MFSD12: variants seen among roughly 807,000 people sequenced by gnomAD.
MFSD12 encodes the protein major facilitator superfamily domain-containing protein 12.
A neutral mutation model predicts 51.2 loss-of-function variants in MFSD12; 67 were observed. The ratio of observed to expected loss-of-function variants is 1.31; its 90% CI spans 1.08 to 1.60. The LOEUF (loss-of-function observed/expected upper bound fraction) is 1.60, where lower values mean the gene tolerates loss of function less well. Among genes scored for constraint, MFSD12 ranks in the 40% most tolerant of loss-of-function variants. MFSD12 has a pLI of 0.00. For missense variants in MFSD12, 921 were observed against 673.0 expected (o/e 1.37, Z -4.08); for synonymous variants, 441 against 316.7 (o/e 1.39, Z -4.17).
At chr19:3,547,806 G>C (rs1270170712) in intron 4 of MFSD12, 42 bp downstream of exon 4, 1 of 1,460,204 alleles carries the variant, frequency 6.8e-7, no homozygotes, top group South Asian at 1.4e-5. Flanking sequence ...CCTGTGGGTG[G>C]GAGAGAAGGC....
At chr19:3,556,857 C>G (rs1179117810) in intron 1 of MFSD12, among the ~76,000 whole-genome samples, 1 of 98,390 alleles carries the variant, frequency 1.0e-5, no homozygotes, top group Non-Finnish European at 2.4e-5. Context: ...GACAGACAGA[C>G]AGGGGAGGTT....
chr19:3,550,232 G>A (rs1177750159), intron 2 of MFSD12, among the ~76,000 whole-genome samples: 3 of 152,064 alleles, frequency 2.0e-5, no homozygotes, highest in Non-Finnish European at 2.9e-5. Flanking sequence ...CTGGACTCCT[G>A]ACCCCCAGAA....
Position 3,557,427 on chromosome 19 carries a change from C to T in MFSD12, c.-24G>A, listed in dbSNP as rs575979215. 6 of 1,204,418 alleles carry T rather than the reference C, an allele frequency of 5.0e-6. No homozygotes were observed. In the African/African-American group the frequency reaches 8.0e-5, roughly 16 times the overall value. 74.6% of individuals were successfully genotyped at this position (1,204,418 alleles called of 1,614,324 possible). A position where few individuals can be genotyped will look rare whatever the true frequency, so the allele number is the denominator to read the frequency against. On this transcript the variant is annotated 5_prime_UTR_variant, in exon 1 of 10. Transcript: ENST00000355415. ...ATCGCGGCGCCGGGCCCGCGCCCCC[C>T]ACCCCCGGGCTCCGCGGAGGGTACC...
chr19:3,556,568 T>G (rs1308501111), intron 1 of MFSD12, among the ~76,000 whole-genome samples: 6 of 98,542 alleles, frequency 6.1e-5, no homozygotes, highest in South Asian at 3.4e-4. Flanking sequence ...GTCAGACAGA[T>G]GGGGGAGGCA....
chr19:3,547,707 T>G (rs566175330), intron 4 of MFSD12, 141 bp downstream of exon 4: 18 of 1,192,610 alleles, frequency 1.5e-5, no homozygotes, highest in Non-Finnish European at 2.0e-5. Context: ...AGAGCAGCAC[T>G]TGATGAGTGA....
chr19:3,539,247 G>A (rs976541606), downstream of MFSD12: 47 of 1,549,208 alleles, frequency 3.0e-5, no homozygotes, highest in Admixed American at 5.9e-5. Context: ...CAGCTTCCCA[G>A]CACCGCTGTA....
Position 3,546,369 on chromosome 19 carries a change from C to T in MFSD12, c.1080G>A (p.Leu360=), listed in dbSNP as rs769128415. 4 of 1,607,858 alleles carry T rather than the reference C, an allele frequency of 2.5e-6. No homozygotes were observed. The highest frequency in any genetic ancestry group is 2.5e-6 in the Non-Finnish European group (3 of 1,177,792). Residue 360 remains leucine (L), a synonymous_variant, in exon 7 of 10, where the codon CTG becomes CTA. Coordinates refer to ENST00000355415, the MANE Select transcript of MFSD12 (RefSeq NM_174983.5). ...VILAFAAWVA[L]AEGLGVAVYA... Reference sequence around the variant, plus strand: ...ACACGGCCACACCCAGTCCCTCCGCCAGCGCCACCCAGGCGGCAAAGGCCA... The same window carrying T: ...ACACGGCCACACCCAGTCCCTCCGCTAGCGCCACCCAGGCGGCAAAGGCCA...
chr19:3,538,996 C>G, intron 4 of MFSD12: 2 of 629,024 alleles, frequency 3.2e-6, no homozygotes, highest in South Asian at 1.8e-5. Flanking sequence ...CCCACCCACA[C>G]TGTGTCACCC....
chr19:3,549,593 G>T (rs990711968), intron 2 of MFSD12, among the ~76,000 whole-genome samples: 7 of 151,716 alleles, frequency 4.6e-5, no homozygotes, highest in African/African-American at 1.2e-4. Flanking sequence ...GGTGGTGGCG[G>T]GTGCCTGTAG....
At chr19:3,548,316 C>G in intron 2 of MFSD12, 49 bp from the exon 3 acceptor site, 7 of 1,536,294 alleles carry the variant, frequency 4.6e-6, no homozygotes, top group Non-Finnish European at 6.1e-6. Context: ...GAACCTGGGT[C>G]ACTTCCTCCC....
At chr19:3,549,451 C>A in intron 2 of MFSD12, among the ~76,000 whole-genome samples, 1 of 152,166 alleles carries the variant, frequency 6.6e-6, no homozygotes, top group Non-Finnish European at 1.5e-5. Context: ...TGGCCAGGCG[C>A]GGTGGCTCAC....
At position 3,546,342 on chromosome 19, in the gene MFSD12, G is replaced by T. The variant is rs11555328; in HGVS notation, c.1107C>A (p.Tyr369Ter). The change falls in exon 7 of 10, where the codon TAC becomes TAA. Residue 369 changes from tyrosine to a stop codon, truncating the protein, a stop_gained. Transcript: ENST00000355415. LOFTEE classifies it high-confidence loss of function. The part of the protein sequence containing the change: ...ALAEGLGVAV[Y>*]AAAVLLGAGC... ...CAGCACCCAGCAGCACAGCCGCTGC[G>T]TACACGGCCACACCCAGTCCCTCCG... 6.2e-7 allele frequency: 1 copy of T among 1,606,658 alleles called. No homozygotes were observed. Among genetic ancestry groups the T allele is most frequent in the African/African-American group, 1.3e-5 (1 of 74,866 alleles).
rs539469164 is a variant in MFSD12, at chr19:3,551,495, C to T, written c.299-301G>A. Among the ~76,000 whole-genome samples the T allele has an allele frequency of 1.8e-4, 28 of 152,274 alleles. No individual in the cohort carries two copies. Among genetic ancestry groups the T allele is most frequent in the African/African-American group, 5.3e-4 (22 of 41,562 alleles). Reference sequence around the variant, plus strand: ...GTGCCCCGGTTACAGCCGCAGCCTCCCCCAGCTCCTCCCCCTCGGCCACTA... The same window carrying T: ...GTGCCCCGGTTACAGCCGCAGCCTCTCCCAGCTCCTCCCCCTCGGCCACTA... On this transcript the variant is annotated intron_variant, in intron 1 of 9. Coordinates refer to ENST00000355415, the MANE Select transcript of MFSD12 (RefSeq NM_174983.5). This position sits in a 1 kb window ranked among gnomAD's most constrained non-coding sequence, Gnocchi z 4.6.
At chr19:3,539,452 G>A (rs1394691299), downstream of MFSD12, 11 of 571,294 alleles carry the variant, frequency 1.9e-5, no homozygotes, top group Middle Eastern at 3.6e-4. Flanking sequence ...GGGGGCTACA[G>A]ACCTGGAGAC....
chr19:3,548,409 G>A, intron 2 of MFSD12, 142 bp from the exon 3 acceptor site: 1 of 1,131,898 alleles, frequency 8.8e-7, no homozygotes, highest in Non-Finnish European at 1.2e-6. Flanking sequence ...GTGGCCTCCA[G>A]GAAGCCCGTG....
chr19:3,553,972 C>T (rs561119418), intron 1 of MFSD12, among the ~76,000 whole-genome samples: 3 of 151,956 alleles, frequency 2.0e-5, no homozygotes, highest in East Asian at 1.9e-4. Flanking sequence ...GTCCCAGCTA[C>T]TCGGGAGGCT....
At chr19:3,538,922 T>TGGG in intron 4 of MFSD12, 2 of 661,160 alleles carry the variant, frequency 3.0e-6, no homozygotes, top group Admixed American at 4.2e-5. Flanking sequence ...AGACCCCAGG[T>TGGG]GGGGGGTGCA....
chr19:3,542,401 C>T (rs2030490041), downstream of MFSD12: 3 of 985,272 alleles, frequency 3.0e-6, no homozygotes. Context: ...GGGCCAGCAA[C>T]CTTGTTTTCT....
At chr19:3,553,718 C>T (rs2031591592) in intron 1 of MFSD12, among the ~76,000 whole-genome samples, 1 of 81,818 alleles carries the variant, frequency 1.2e-5, no homozygotes, top group South Asian at 5.4e-4. Context: ...TGCAGTGAGA[C>T]TCCATCTCTC....
Sources: allele counts gnomAD v4.1 joint callset (sites outside exome capture counted in the v4.1 genomes callset), GRCh38; gene constraint gnomAD v4.1.1; non-coding constraint Gnocchi (gnomAD v3.1); transcripts MANE v1.5; gene names NCBI Gene and HGNC (gene_info 2026-07-23, HGNC 2026-07-21).